Variants in SORCS2 observed in about 807,000 individuals in gnomAD.
SORCS2 encodes sortilin related VPS10 domain containing receptor 2.
In SORCS2, 100 loss-of-function variants were observed where a neutral mutation model predicts 141.6. The observed-to-expected ratio is 0.71, with a 90% CI of 0.60 to 0.83. The LOEUF (loss-of-function observed/expected upper bound fraction) is 0.83, where lower values mean the gene tolerates loss of function less well. SORCS2 is among the 40% of genes least tolerant of loss of function. SORCS2 has a pLI of 0.00. For missense variants in SORCS2, 1,646 were observed against 1,560.2 expected (o/e 1.05, Z -0.93); for synonymous variants, 789 against 676.9 (o/e 1.17, Z -2.57).
At chr4:7,195,964 A>G (rs1727144091) in intron 1 of SORCS2, among the ~76,000 whole-genome samples, 1 of 152,254 alleles carries the variant, frequency 6.6e-6, no homozygotes, top group Admixed American at 6.5e-5. Flanking sequence ...CAAAATTAAA[A>G]GGAGCATTTG....
intron 1 of SORCS2, among the ~76,000 whole-genome samples, chr4:7,352,596 T>A (rs1294144915): frequency 6.6e-6 from 1 of 152,206 alleles, no homozygotes; most frequent in Admixed American, 6.5e-5. Context: ...GCTCTCGAGC[T>A]GGGAGTGGAA....
chr4:7,601,612 CTCTCAAAAAAA>C (rs1395069002), intron 3 of SORCS2, among the ~76,000 whole-genome samples: 3 of 77,504 alleles, frequency 3.9e-5, no homozygotes, highest in African/African-American at 2.0e-4. Flanking sequence ...AAGCAAGACT[CTCTCAAAAAAA>C]AAAAAAAAAA....
chr4:7,242,359 T>TG (rs1712760099), intron 1 of SORCS2, among the ~76,000 whole-genome samples: 3 of 151,694 alleles, frequency 2.0e-5, no homozygotes, highest in African/African-American at 4.9e-5. Flanking sequence ...CACGCCTGGA[T>TG]GATTTTTTTT....
intron 1 of SORCS2, among the ~76,000 whole-genome samples, chr4:7,228,560 G>A (rs886396600): frequency 6.6e-6 from 1 of 152,186 alleles, no homozygotes; most frequent in South Asian, 2.1e-4. Flanking sequence ...ACAGGCTCAC[G>A]GTGAGAATTA....
chr4:7,330,885 G>A (rs116699543), intron 1 of SORCS2, among the ~76,000 whole-genome samples: 2,319 of 152,202 alleles, frequency 0.015, 62 homozygotes, highest in African/African-American at 0.053. Flanking sequence ...ACTCGCGGCC[G>A]CCATGGACAG....
chr4:7,277,844 G>T (rs902244137), intron 1 of SORCS2, among the ~76,000 whole-genome samples: 2 of 152,180 alleles, frequency 1.3e-5, no homozygotes, highest in Non-Finnish European at 2.9e-5. Flanking sequence ...TGGGGCTTTG[G>T]ACCTGATGGT....
At chr4:7,297,248 C>T (rs1717136935) in intron 1 of SORCS2, among the ~76,000 whole-genome samples, 1 of 152,304 alleles carries the variant, frequency 6.6e-6, no homozygotes, top group Middle Eastern at 3.4e-3. Flanking sequence ...CTCGGGGTTC[C>T]ACACCGTGCT....
chr4:7,611,035 T>G (rs1194797843), intron 3 of SORCS2, among the ~76,000 whole-genome samples: 1 of 152,158 alleles, frequency 6.6e-6, no homozygotes, highest in Non-Finnish European at 1.5e-5. Flanking sequence ...GCACTGCCCA[T>G]CTGGCACCAC....
intron 1 of SORCS2, among the ~76,000 whole-genome samples, chr4:7,320,694 G>A (rs1200942732): frequency 6.6e-6 from 1 of 152,174 alleles, no homozygotes; most frequent in East Asian, 1.9e-4. Context: ...CACCTTGGAG[G>A]TGGGGCCCTT....
At chr4:7,565,333 C>G (rs1288243631) in intron 3 of SORCS2, among the ~76,000 whole-genome samples, 2 of 151,926 alleles carry the variant, frequency 1.3e-5, no homozygotes, top group African/African-American at 2.4e-5. Flanking sequence ...CCATCCTGAC[C>G]AGAAGATGAT....
At chr4:7,580,033 G>T (rs1258141326) in intron 3 of SORCS2, among the ~76,000 whole-genome samples, 3 of 151,976 alleles carry the variant, frequency 2.0e-5, no homozygotes, top group Non-Finnish European at 4.4e-5. Flanking sequence ...TGTTTATGAG[G>T]GTATATAAAT....
At chr4:7,304,703 C>T (rs1012445113) in intron 1 of SORCS2, among the ~76,000 whole-genome samples, 1 of 152,194 alleles carries the variant, frequency 6.6e-6, no homozygotes, top group Non-Finnish European at 1.5e-5. Context: ...TCCTGGTGGG[C>T]GGCTCAGCTG....
At position 7,550,100 on chromosome 4, in the gene SORCS2, T is replaced by TG. The variant is rs1292400525; in HGVS notation, c.648+18471_648+18472insG. On this transcript the variant is annotated intron_variant, in intron 3 of 26. Transcript: ENST00000507866. ...TCACACCTGCCGGGAGCTGGTGTTTTTTTTTTTCCGTGTGTGTGTGTGTAT... is the reference window on the plus strand; with the variant it reads ...TCACACCTGCCGGGAGCTGGTGTTTTGTTTTTTTCCGTGTGTGTGTGTGTAT... Among the ~76,000 whole-genome samples, 11 of 147,418 alleles carry TG rather than the reference T, an allele frequency of 7.5e-5. No homozygotes were observed. In the East Asian group the frequency reaches 2.2e-3, roughly 30 times the overall value.
At chr4:7,689,711 A>G (rs918815192) in intron 11 of SORCS2, 123 bp downstream of exon 11, 6 of 837,536 alleles carry the variant, frequency 7.2e-6, no homozygotes, top group Non-Finnish European at 1.1e-5. Flanking sequence ...AGGAGGCAGT[A>G]CCACTGCATC....
chr4:7,634,281 A>G (rs2108854172), intron 3 of SORCS2, among the ~76,000 whole-genome samples: 1 of 152,160 alleles, frequency 6.6e-6, no homozygotes, highest in South Asian at 2.1e-4. Flanking sequence ...GGCTGAGGCA[A>G]AGAATCACTT....
chr4:7,734,572 G>A (rs139972440), intron 25 of SORCS2, among the ~76,000 whole-genome samples, 198 bp downstream of exon 25: 2 of 152,046 alleles, frequency 1.3e-5, no homozygotes, highest in Admixed American at 1.3e-4. Flanking sequence ...TGGAAGAGAC[G>A]GCCGCCACTC....
chr4:7,393,240 C>G (rs1723979883), intron 1 of SORCS2, among the ~76,000 whole-genome samples: 3 of 152,118 alleles, frequency 2.0e-5, no homozygotes. Context: ...CTCAGGCAGC[C>G]TCTGGATGGG....
intron 4 of SORCS2, among the ~76,000 whole-genome samples, chr4:7,649,478 G>T (rs779424779): frequency 9.9e-5 from 15 of 152,142 alleles, no homozygotes; most frequent in Admixed American, 3.3e-4. Context: ...AGGGCTGAGA[G>T]CAGGGGTCCA....
At chr4:7,455,645 G>C (rs188665357) in intron 2 of SORCS2, among the ~76,000 whole-genome samples, 3 of 147,960 alleles carry the variant, frequency 2.0e-5, no homozygotes, top group East Asian at 2.1e-4. Context: ...GCCGTGTTGG[G>C]GTCAGGCTTC....
Sources: gnomAD v4.1 joint callset for allele counts (sites outside exome capture counted in the v4.1 genomes callset) on GRCh38, gnomAD v4.1.1 for gene constraint, MANE v1.5 for transcripts, NCBI Gene and HGNC (gene_info 2026-07-23, HGNC 2026-07-21) for gene names.